CLVS1: variants seen among roughly 807,000 people sequenced by gnomAD.
The protein encoded by CLVS1 is clavesin 1.
Under a neutral mutation model 33.1 loss-of-function variants are expected in CLVS1, and 10 were observed. The observed-to-expected ratio is 0.30, with a 90% CI of 0.19 to 0.51. The LOEUF is 0.51. Ranked by LOEUF, CLVS1 falls within the 20% of genes least tolerant of loss-of-function variation. The pLI is 0.97. For synonymous variants in CLVS1, 163 were observed against 166.1 expected (o/e 0.98, Z 0.14); for missense variants, 343 against 433.4 (o/e 0.79, Z 1.85).
At chr8:61,434,529 G>A (rs1816241479) in intron 3 of CLVS1, among the ~76,000 whole-genome samples, 1 of 152,122 alleles carries the variant, frequency 6.6e-6, no homozygotes. Context: ...TAGGGAGGAG[G>A]CATGAGACAT....
chr8:61,285,470 A>C (rs1809757653), upstream of CLVS1, among the ~76,000 whole-genome samples: 1 of 152,190 alleles, frequency 6.6e-6, no homozygotes, highest in South Asian at 2.1e-4. Context: ...CCGCACATGG[A>C]AGCTGCCTAC....
intron 2 of CLVS1, among the ~76,000 whole-genome samples, chr8:61,350,308 C>A (rs941455981): frequency 6.6e-5 from 10 of 152,156 alleles, no homozygotes; most frequent in Non-Finnish European, 1.3e-4. Context: ...TCATTGCTGA[C>A]TTCTCTTTCC....
intron 1 of CLVS1, among the ~76,000 whole-genome samples, chr8:61,061,154 T>C (rs1804576852): frequency 6.6e-6 from 1 of 152,172 alleles, no homozygotes; most frequent in Non-Finnish European, 1.5e-5. Flanking sequence ...AGCTTCACAG[T>C]GATCACAAAG....
intron 2 of CLVS1, among the ~76,000 whole-genome samples, chr8:61,354,945 C>CATAT (rs1470820088): frequency 1.3e-5 from 2 of 152,122 alleles, no homozygotes; most frequent in Non-Finnish European, 2.9e-5. Flanking sequence ...ACTAAATAAA[C>CATAT]ATATACACAT....
chr8:61,201,702 G>A (rs1807735871), intron 2 of CLVS1, among the ~76,000 whole-genome samples: 1 of 150,152 alleles, frequency 6.7e-6, no homozygotes, highest in African/African-American at 2.5e-5. Flanking sequence ...TCTGTTTCCT[G>A]ACAATTCGAA....
chr8:61,052,106 C>T, the CLVS1 span, among the ~76,000 whole-genome samples: 115 of 152,282 alleles, frequency 7.6e-4, 1 homozygote, highest in African/African-American at 2.7e-3. Context: ...GTCACCGCAC[C>T]CCGTGGGAGA....
At chr8:61,285,081 T>C (rs1809748754), upstream of CLVS1, among the ~76,000 whole-genome samples, 3 of 152,036 alleles carry the variant, frequency 2.0e-5, no homozygotes, top group African/African-American at 7.2e-5. Context: ...AACTATGAGA[T>C]TGGACTAAAA....
chr8:61,021,676 C>T, the CLVS1 span, among the ~76,000 whole-genome samples: 4 of 152,048 alleles, frequency 2.6e-5, no homozygotes, highest in Non-Finnish European at 4.4e-5. Flanking sequence ...GTTTTGACAG[C>T]TGAAGTGCAA....
chr8:60,984,835 C>T, the CLVS1 span, among the ~76,000 whole-genome samples: 59 of 152,260 alleles, frequency 3.9e-4, no homozygotes, highest in Middle Eastern at 6.8e-3. Flanking sequence ...ATAACTTCCC[C>T]TAGGTCACAG....
At chr8:61,395,113 G>C (rs1381368237) in intron 3 of CLVS1, among the ~76,000 whole-genome samples, 1 of 152,126 alleles carries the variant, frequency 6.6e-6, no homozygotes, top group African/African-American at 2.4e-5. Context: ...GACACAAATG[G>C]AATACTATGC....
the CLVS1 span, among the ~76,000 whole-genome samples, chr8:60,998,850 C>T: frequency 1.1e-4 from 16 of 152,260 alleles, no homozygotes; most frequent in South Asian, 6.2e-4. Context: ...CTTGGGCTGC[C>T]GGACTCTGTC....
At chr8:61,164,832 T>G (rs1806825085) in intron 2 of CLVS1, among the ~76,000 whole-genome samples, 1 of 152,230 alleles carries the variant, frequency 6.6e-6, no homozygotes, top group African/African-American at 2.4e-5. Flanking sequence ...ACTCCATGTG[T>G]GTCCATGTCA....
intron 2 of CLVS1, among the ~76,000 whole-genome samples, chr8:61,331,344 A>G (rs1437071111): frequency 1.3e-5 from 2 of 151,490 alleles, no homozygotes; most frequent in Non-Finnish European, 2.9e-5. Context: ...GGTCTTTTTT[A>G]TTTACTCAGT....
upstream of CLVS1, among the ~76,000 whole-genome samples, chr8:61,287,586 G>A (rs1809815316): frequency 6.6e-6 from 1 of 151,794 alleles, no homozygotes; most frequent in Non-Finnish European, 1.5e-5. Context: ...TAAATTTTAT[G>A]TTTTTGATAA....
At chr8:61,071,921 C>T (rs1804803397) in intron 1 of CLVS1, among the ~76,000 whole-genome samples, 1 of 152,198 alleles carries the variant, frequency 6.6e-6, no homozygotes, top group Non-Finnish European at 1.5e-5. Flanking sequence ...TTCACACACA[C>T]ACACACAAAT....
intron 5 of CLVS1, among the ~76,000 whole-genome samples, chr8:61,479,499 A>C (rs149533213): frequency 6.6e-6 from 1 of 152,026 alleles, no homozygotes; most frequent in Non-Finnish European, 1.5e-5. Flanking sequence ...TTTTTTTTCA[A>C]GGTTTTTAAC....
chr8:61,446,364 C>T (rs1364678578), intron 3 of CLVS1, among the ~76,000 whole-genome samples: 4 of 152,122 alleles, frequency 2.6e-5, no homozygotes. Flanking sequence ...ATGTCTTGAT[C>T]TGTTTTCTGT....
the CLVS1 span, among the ~76,000 whole-genome samples, chr8:60,986,339 A>T: frequency 6.6e-6 from 1 of 152,224 alleles, no homozygotes; most frequent in African/African-American, 2.4e-5. Context: ...AAGAATCTTG[A>T]ACTTATTTTT....
At chr8:61,023,001 A>C in the CLVS1 span, among the ~76,000 whole-genome samples, 2 of 152,230 alleles carry the variant, frequency 1.3e-5, no homozygotes, top group Non-Finnish European at 2.9e-5. Flanking sequence ...TTTTTCTTTG[A>C]TCAAGGGATG....
Sources: gnomAD v4.1 joint callset for allele counts (sites outside exome capture counted in the v4.1 genomes callset) on GRCh38, gnomAD v4.1.1 for gene constraint, MANE v1.5 for transcripts, NCBI Gene and HGNC (gene_info 2026-07-23, HGNC 2026-07-21) for gene names.